BAZ2B: variants seen among roughly 807,000 people sequenced by gnomAD.
BAZ2B encodes the protein bromodomain adjacent to zinc finger domain 2B.
BAZ2B carries 91 observed loss-of-function variants against 246.0 expected under a neutral mutation model. The ratio of observed to expected loss-of-function variants is 0.37; its 90% CI spans 0.31 to 0.44. The LOEUF (loss-of-function observed/expected upper bound fraction) is 0.44, where lower values mean the gene tolerates loss of function less well. BAZ2B is among the 20% of genes least tolerant of loss of function. The probability of loss-of-function intolerance (pLI) is 1.00; values close to 1 mark genes in which losing one functional copy is unlikely to be tolerated. For synonymous variants in BAZ2B, 855 were observed against 860.0 expected (o/e 0.99, Z 0.10); for missense variants, 2,332 against 2,533.7 (o/e 0.92, Z 1.71).
intron 2 of BAZ2B, among the ~76,000 whole-genome samples, chr2:159,484,421 T>C (rs141240670): frequency 1.8e-4 from 27 of 152,328 alleles, no homozygotes; most frequent in Middle Eastern, 3.4e-3. Flanking sequence ...ACACTGATAA[T>C]GTATCACATG....
intron 2 of BAZ2B, among the ~76,000 whole-genome samples, chr2:159,529,078 G>T (rs890384532): frequency 6.6e-6 from 1 of 151,774 alleles, no homozygotes; most frequent in South Asian, 2.1e-4. Flanking sequence ...AAACCTGCAC[G>T]TTGTGCACAT....
At chr2:159,450,765 A>T (rs1465045925) in intron 4 of BAZ2B, among the ~76,000 whole-genome samples, 2 of 151,010 alleles carry the variant, frequency 1.3e-5, no homozygotes, top group Non-Finnish European at 1.5e-5. Flanking sequence ...TTTGAGACAG[A>T]ATTGTGCTCT....
At chr2:159,545,769 T>C (rs2087245669) in intron 2 of BAZ2B, among the ~76,000 whole-genome samples, 1 of 152,186 alleles carries the variant, frequency 6.6e-6, no homozygotes, top group African/African-American at 2.4e-5. Flanking sequence ...CACATAATCA[T>C]CACGTAAGGA....
At chr2:159,563,417 C>T (rs561684020) in intron 1 of BAZ2B, among the ~76,000 whole-genome samples, 1 of 152,246 alleles carries the variant, frequency 6.6e-6, no homozygotes, top group Admixed American at 6.5e-5. Context: ...ATGTTTATAA[C>T]ATTTTTTGAG....
At chr2:159,478,139 A>G (rs1342824771) in intron 3 of BAZ2B, among the ~76,000 whole-genome samples, 1 of 152,168 alleles carries the variant, frequency 6.6e-6, no homozygotes, top group Non-Finnish European at 1.5e-5. Flanking sequence ...GTTATGCTCT[A>G]AACTTTAAAA....
At chr2:159,586,833 T>A (rs978282259) in intron 1 of BAZ2B, among the ~76,000 whole-genome samples, 1 of 152,124 alleles carries the variant, frequency 6.6e-6, no homozygotes, top group Non-Finnish European at 1.5e-5. Context: ...AAAAATAAAT[T>A]GATGTATAAA....
Position 159,397,454 on chromosome 2 carries a change from A to G in BAZ2B, c.2965-65T>C, listed in dbSNP as rs141143366. The G allele has an allele frequency of 1.4e-3, 1,574 of 1,095,114 alleles. 3 individuals are homozygous for G. The highest frequency in any genetic ancestry group is 2.9e-3 in the Admixed American group (112 of 39,132). 67.8% of individuals were successfully genotyped at this position (1,095,114 alleles called of 1,614,324 possible). ...AGATTTAGAACATGCTAAAAGTATT[A>G]AAAGTTCCTTTTCTGAGATTCTATA... On this transcript the variant is annotated intron_variant, in intron 18 of 36. Coordinates refer to ENST00000392783, the MANE Select transcript of BAZ2B (RefSeq NM_013450.4).
intron 2 of BAZ2B, among the ~76,000 whole-genome samples, chr2:159,537,938 A>G (rs1464338325): frequency 6.6e-6 from 1 of 152,162 alleles, no homozygotes; most frequent in Non-Finnish European, 1.5e-5. Flanking sequence ...CTATGTTAGA[A>G]ATTGTCTTCT....
At chr2:159,564,009 A>G (rs187221603) in intron 1 of BAZ2B, among the ~76,000 whole-genome samples, 1 of 152,358 alleles carries the variant, frequency 6.6e-6, no homozygotes, top group Admixed American at 6.5e-5. Flanking sequence ...TGAACAAGAC[A>G]AAGTCTCCGC....
chr2:159,599,490 T>C (rs1395002028), intron 1 of BAZ2B, among the ~76,000 whole-genome samples: 7 of 151,822 alleles, frequency 4.6e-5, no homozygotes, highest in Admixed American at 4.6e-4. Flanking sequence ...TGGTGGTGCA[T>C]GCCTGTGATC....
the BAZ2B span, among the ~76,000 whole-genome samples, chr2:159,691,991 C>T: frequency 5.3e-5 from 8 of 152,160 alleles, no homozygotes; most frequent in Admixed American, 4.6e-4. Flanking sequence ...TTACATTTCT[C>T]TCCACTGTGA....
intron 2 of BAZ2B, among the ~76,000 whole-genome samples, chr2:159,545,561 C>CA (rs5835748): frequency 0.29 from 44,242 of 151,904 alleles, 6,685 homozygotes; most frequent in African/African-American, 0.37. Context: ...CACTAAAAGG[C>CA]AAAAAATGTC....
rs189135439 is a variant in BAZ2B, at chr2:159,320,546, A to G, written c.6354-128T>C. 1.6e-5 allele frequency: 11 copies of G among 701,792 alleles called. No individual in the cohort carries two copies. The East Asian group carries it at 3.7e-4, about 23-fold the overall frequency. The allele number at this position is 701,792 out of a possible 1,614,324, so 43.5% of individuals were successfully genotyped here. Reference sequence around the variant, plus strand: ...GATAACTGCATTTAAATTGATATAAAATACATGATATCCTCTTACAAATGG... The same window carrying G: ...GATAACTGCATTTAAATTGATATAAGATACATGATATCCTCTTACAAATGG... On this transcript the variant is annotated intron_variant, in intron 36 of 36. Coordinates refer to ENST00000392783, the MANE Select transcript of BAZ2B (RefSeq NM_013450.4).
the BAZ2B span, among the ~76,000 whole-genome samples, chr2:159,633,272 A>C: frequency 1.3e-5 from 2 of 152,264 alleles, no homozygotes; most frequent in Admixed American, 1.3e-4. Context: ...GCACAGTCCA[A>C]CTGAGAGGCA....
Position 159,337,220 on chromosome 2 carries a change from T to G in BAZ2B, c.5661-143A>C, listed in dbSNP as rs1332142990. 10 of 1,137,398 alleles carry G rather than the reference T, an allele frequency of 8.8e-6. No individual in the cohort carries two copies. In the African/African-American group the frequency reaches 1.6e-4, roughly 18 times the overall value. 70.5% of individuals were successfully genotyped at this position (1,137,398 alleles called of 1,614,324 possible). On this transcript the variant is annotated intron_variant, in intron 32 of 36. Transcript: ENST00000392783. Reference sequence around the variant, plus strand: ...ATAAGGTTTAAGCAACTAAATTTGATGTAGTGCACAGACTGTGGCTACGTG... The same window carrying G: ...ATAAGGTTTAAGCAACTAAATTTGAGGTAGTGCACAGACTGTGGCTACGTG...
chr2:159,402,998 A>T (rs1264257679), intron 16 of BAZ2B, among the ~76,000 whole-genome samples: 1 of 152,226 alleles, frequency 6.6e-6, no homozygotes, highest in Non-Finnish European at 1.5e-5. Context: ...TCCAATACTT[A>T]GTAAATATAG....
rs530179766 is a variant in BAZ2B, at chr2:159,325,616, A to G, written c.6209+37T>C. 2.6e-6 allele frequency: 4 copies of G among 1,551,038 alleles called. No individual in the cohort carries two copies. The African/African-American group carries it at 4.3e-5, about 16-fold the overall frequency. ...GGTTTCTAAACAAATAAAATGGGGC[A>G]TTATAAATATACAGTGCATGAAAAC... On this transcript the variant is annotated intron_variant, in intron 35 of 36. Transcript: ENST00000392783.
At chr2:159,556,347 C>T (rs12104609) in intron 1 of BAZ2B, among the ~76,000 whole-genome samples, 8,734 of 150,360 alleles carry the variant, frequency 0.058, 454 homozygotes, top group African/African-American at 0.14. Context: ...TTATGAATAG[C>T]GACAAAATTA....
At chr2:159,520,591 T>C (rs541723149) in intron 2 of BAZ2B, among the ~76,000 whole-genome samples, 2 of 152,306 alleles carry the variant, frequency 1.3e-5, no homozygotes, top group South Asian at 4.1e-4. Flanking sequence ...TAAACTGCTG[T>C]ATATATTTAT....
Sources: allele counts gnomAD v4.1 joint callset (sites outside exome capture counted in the v4.1 genomes callset), GRCh38; gene constraint gnomAD v4.1.1; transcripts MANE v1.5; gene names NCBI Gene and HGNC (gene_info 2026-07-23, HGNC 2026-07-21).